Variants in RASAL2 observed in about 807,000 individuals in gnomAD.
RASAL2 encodes the protein RAS protein activator like 2.
Under a neutral mutation model 128.9 loss-of-function variants are expected in RASAL2, and 58 were observed. The observed-to-expected ratio is 0.45, with a 90% CI of 0.36 to 0.56. RASAL2 has a LOEUF of 0.56. Among genes scored for constraint, RASAL2 ranks in the 20% least tolerant of loss-of-function variants. The pLI is 0.00. For missense variants in RASAL2, 1,360 were observed against 1,601.6 expected, an observed-to-expected ratio of 0.85 and a Z score of 2.57; for synonymous variants, 561 against 580.8, an observed-to-expected ratio of 0.97 and a Z score of 0.49.
intron 1 of RASAL2, among the ~76,000 whole-genome samples, chr1:178,133,956 A>G (rs1660215116): frequency 6.6e-6 from 1 of 152,232 alleles, no homozygotes; most frequent in Non-Finnish European, 1.5e-5. Context: ...TTGGGAAAGG[A>G]AAAAAGTTGA....
At chr1:178,124,396 A>C (rs759285290) in intron 1 of RASAL2, among the ~76,000 whole-genome samples, 3 of 152,178 alleles carry the variant, frequency 2.0e-5, no homozygotes, top group African/African-American at 7.2e-5. Flanking sequence ...TTTAGAGTGC[A>C]TGGTGCCCCT....
At chr1:178,385,929 C>T (rs1672541860) in intron 3 of RASAL2, among the ~76,000 whole-genome samples, 1 of 152,178 alleles carries the variant, frequency 6.6e-6, no homozygotes, top group Non-Finnish European at 1.5e-5. Context: ...GTGCAACTAC[C>T]TATTGAAAAT....
At chr1:178,379,185 A>G (rs1672147586) in intron 3 of RASAL2, among the ~76,000 whole-genome samples, 1 of 152,190 alleles carries the variant, frequency 6.6e-6, no homozygotes, top group Non-Finnish European at 1.5e-5. Flanking sequence ...TGTAGAAGCA[A>G]TAAAAAACTG....
At chr1:178,146,004 A>T (rs574999205) in intron 1 of RASAL2, among the ~76,000 whole-genome samples, 1 of 152,324 alleles carries the variant, frequency 6.6e-6, no homozygotes, top group Admixed American at 6.5e-5. Context: ...GAAGGAAGAG[A>T]GTGTGTATTG....
intron 3 of RASAL2, among the ~76,000 whole-genome samples, chr1:178,332,673 G>A (rs1267238696): frequency 2.8e-5 from 4 of 143,854 alleles, no homozygotes; most frequent in East Asian, 2.2e-4. Context: ...GTGCGGTGGC[G>A]CGATCTTGGC....
At chr1:178,413,022 TTTCCTTCC>T (rs148913731) in intron 4 of RASAL2, among the ~76,000 whole-genome samples, 1 of 151,962 alleles carries the variant, frequency 6.6e-6, no homozygotes, top group Non-Finnish European at 1.5e-5. Flanking sequence ...TTTCTCTTTC[TTTCCTTCC>T]TTCCTTCCTT....
At chr1:178,454,321 T>C in intron 11 of RASAL2, 126 bp from the exon 12 acceptor site, 1 of 686,304 alleles carries the variant, frequency 1.5e-6, no homozygotes, top group Non-Finnish European at 2.4e-6. Context: ...CACTTATAGA[T>C]AATAAACAAA....
chr1:178,234,664 T>A (rs1486372847), intron 1 of RASAL2, among the ~76,000 whole-genome samples: 12 of 152,110 alleles, frequency 7.9e-5, no homozygotes, highest in Admixed American at 7.9e-4. Flanking sequence ...CTATGTTTTT[T>A]AAAAAACCTT....
chr1:178,475,836 C>G lies in RASAL2; in HGVS notation c.*2597C>G, dbSNP rs1473714097. 6.6e-6 allele frequency: 1 copy of G among 152,162 alleles called. No homozygotes were observed. Among genetic ancestry groups the G allele is most frequent in the East Asian group, 1.9e-4 (1 of 5,196 alleles). The allele number at this position is 152,162 out of a possible 1,614,324, so 9.4% of individuals were successfully genotyped here. A position where few individuals can be genotyped will look rare whatever the true frequency, so the allele number is the denominator to read the frequency against. On this transcript the variant is annotated 3_prime_UTR_variant, in exon 18 of 18. Coordinates refer to ENST00000367649, the MANE Select transcript of RASAL2 (RefSeq NM_170692.4). ...ATAGTAAAAAATAATAATAATAGAG[C>G]ATTACCAATAAGCTAAAAGTTCAGA... is the stretch of plus-strand genomic sequence containing the variant.
intron 1 of RASAL2, 89 bp from the exon 2 acceptor site, chr1:178,283,470 CTTTAT>C: frequency 2.1e-6 from 3 of 1,463,222 alleles, no homozygotes; most frequent in Non-Finnish European, 2.8e-6. Context: ...AGGCTCACCT[CTTTAT>C]TTGATTTGGA....
At chr1:178,112,054 T>G (rs1558059331) in intron 1 of RASAL2, among the ~76,000 whole-genome samples, 1 of 152,192 alleles carries the variant, frequency 6.6e-6, no homozygotes, top group Non-Finnish European at 1.5e-5. Context: ...AAAATTGATT[T>G]TTTCTTATTT....
At chr1:178,333,178 G>A (rs1408296220) in intron 3 of RASAL2, among the ~76,000 whole-genome samples, 3 of 151,994 alleles carry the variant, frequency 2.0e-5, no homozygotes, top group Non-Finnish European at 4.4e-5. Context: ...ACAGGCGCCC[G>A]CCACCGCTCC....
chr1:178,301,919 A>C (rs896685540), intron 3 of RASAL2, among the ~76,000 whole-genome samples: 2 of 152,146 alleles, frequency 1.3e-5, no homozygotes, highest in African/African-American at 4.8e-5. Flanking sequence ...AAACAAACTA[A>C]AGGTGACAAA....
At chr1:178,273,910 T>C (rs1382325845) in intron 1 of RASAL2, among the ~76,000 whole-genome samples, 1 of 152,190 alleles carries the variant, frequency 6.6e-6, no homozygotes, top group Non-Finnish European at 1.5e-5. Context: ...TCAGCTAAGT[T>C]GTGCTCATCG....
At chr1:178,385,712 T>C (rs1672526585) in intron 3 of RASAL2, among the ~76,000 whole-genome samples, 1 of 152,176 alleles carries the variant, frequency 6.6e-6, no homozygotes, top group Non-Finnish European at 1.5e-5. Flanking sequence ...GCCAGTATTA[T>C]CTGAACATGT....
Position 178,335,764 on chromosome 1 carries a change from C to T in RASAL2, c.457+35646C>T, listed in dbSNP as rs76093383. ...ATGTCCTTTTGAAAATTCAGTACAT[C>T]GTTCCAATAAATATATACATTGTTG... is the stretch of plus-strand genomic sequence containing the variant. On this transcript the variant is annotated intron_variant, in intron 3 of 17. Coordinates refer to ENST00000367649, the MANE Select transcript of RASAL2 (RefSeq NM_170692.4). 2.7e-3 allele frequency among the ~76,000 whole-genome samples: 404 copies of T among 152,218 alleles called. 2 individuals are homozygous for T. The highest frequency in any genetic ancestry group is 4.5e-3 in the Non-Finnish European group (309 of 68,002).
intron 1 of RASAL2, among the ~76,000 whole-genome samples, chr1:178,160,790 C>T (rs939495433): frequency 6.6e-6 from 1 of 152,164 alleles, no homozygotes; most frequent in Non-Finnish European, 1.5e-5. Flanking sequence ...CAATAATGTC[C>T]AGGATTGGTC....
rs1267976742 is a variant in RASAL2, at chr1:178,256,433, A to T, written c.203-27131A>T. ...TTAGATACTTTCCTCCTAATGTGAA[A>T]AAGATAAGGATGTTTGCTCTCACTA... On this transcript the variant is annotated intron_variant, in intron 1 of 17. Transcript: ENST00000367649. Among the ~76,000 whole-genome samples, 4 of 152,244 alleles carry T rather than the reference A, an allele frequency of 2.6e-5. No homozygotes were observed. The East Asian group carries it at 7.7e-4, about 29-fold the overall frequency.
rs192363346 is a variant in RASAL2, at chr1:178,412,303, A to T, written c.565-8208A>T. ...GCTAAATCAAGATGGTATGTACCTT[A>T]AAAAATATGCATTTACTCCAAACCA... On this transcript the variant is annotated intron_variant, in intron 4 of 17. Coordinates refer to ENST00000367649, the MANE Select transcript of RASAL2 (RefSeq NM_170692.4). 1.0e-3 allele frequency among the ~76,000 whole-genome samples: 159 copies of T among 152,318 alleles called. 1 individual carries two copies. Among genetic ancestry groups the T allele is most frequent in the African/African-American group, 3.6e-3 (148 of 41,580 alleles).
Sources: gnomAD v4.1 joint callset for allele counts (sites outside exome capture counted in the v4.1 genomes callset) on GRCh38, gnomAD v4.1.1 for gene constraint, MANE v1.5 for transcripts, NCBI Gene and HGNC (gene_info 2026-07-23, HGNC 2026-07-21) for gene names.